Variants in SPOCK1 observed in about 807,000 individuals in gnomAD.
SPOCK1 encodes testican-1.
SPOCK1 carries 23 observed loss-of-function variants against 55.3 expected under a neutral mutation model. The ratio of observed to expected loss-of-function variants is 0.42; its 90% confidence interval spans 0.30 to 0.59. The LOEUF (loss-of-function observed/expected upper bound fraction) is 0.59, where lower values mean the gene tolerates loss of function less well. Among genes scored for constraint, SPOCK1 ranks in the 20% least tolerant of loss-of-function variants. The pLI is 0.22. For missense variants in SPOCK1, 499 were observed against 552.5 expected, an observed-to-expected ratio of 0.90 and a Z score of 0.97; for synonymous variants, 226 against 221.0, an observed-to-expected ratio of 1.02 and a Z score of -0.20.
chr5:137,214,459 A>C (rs181988580), intron 3 of SPOCK1, among the ~76,000 whole-genome samples: 29 of 152,346 alleles, frequency 1.9e-4, no homozygotes, highest in African/African-American at 6.5e-4. Context: ...TCCATCATTC[A>C]TTTAGAAAGA....
At chr5:137,230,188 G>T (rs1294542897) in intron 3 of SPOCK1, among the ~76,000 whole-genome samples, 4 of 152,226 alleles carry the variant, frequency 2.6e-5, no homozygotes, top group Non-Finnish European at 5.9e-5. Flanking sequence ...ATGCATGCTT[G>T]GTTGTAGTCT....
At chr5:137,030,547 G>A (rs926257633) in intron 6 of SPOCK1, among the ~76,000 whole-genome samples, 1 of 152,148 alleles carries the variant, frequency 6.6e-6, no homozygotes, top group Non-Finnish European at 1.5e-5. Context: ...CAATTCTGGG[G>A]GGAGGTCTAG....
chr5:137,064,680 AC>A (rs112266612), intron 6 of SPOCK1, among the ~76,000 whole-genome samples: 11,295 of 152,062 alleles, frequency 0.074, 1,283 homozygotes, highest in African/African-American at 0.24. Flanking sequence ...TCTCCCTTGT[AC>A]CCATGCCCTC....
Position 137,109,206 on chromosome 5 carries a change from C to G in SPOCK1, c.474+3229G>C, listed in dbSNP as rs572505562. Among the ~76,000 whole-genome samples, 5 of 152,302 alleles carry G rather than the reference C, an allele frequency of 3.3e-5. No individual in the cohort carries two copies. The South Asian group carries it at 1.0e-3, about 32-fold the overall frequency. ...GAGGATCAGACAGTTTGCTCCAGAG[C>G]TGGAAGGAATAATTAGAACAGCACA... On this transcript the variant is annotated intron_variant, in intron 5 of 10. Coordinates refer to ENST00000394945, the MANE Select transcript of SPOCK1 (RefSeq NM_004598.4).
Position 137,320,301 on chromosome 5 carries a change from T to A in SPOCK1, c.187-53246A>T, listed in dbSNP as rs115555894. On this transcript the variant is annotated intron_variant, in intron 2 of 10. Transcript: ENST00000394945. Reference sequence around the variant, plus strand: ...AAACTGACATACCTTGGATGCCTGGTATCCACAGAGAACAAAAGAGAGCTC... The same window carrying A: ...AAACTGACATACCTTGGATGCCTGGAATCCACAGAGAACAAAAGAGAGCTC... Among the ~76,000 whole-genome samples, 733 of 152,302 alleles carry A rather than the reference T, an allele frequency of 4.8e-3. 7 individuals carry two copies. The highest frequency in any genetic ancestry group is 0.016 in the African/African-American group (659 of 41,568).
intron 4 of SPOCK1, among the ~76,000 whole-genome samples, chr5:137,133,434 T>C (rs1049091960): frequency 6.6e-6 from 1 of 152,040 alleles, no homozygotes; most frequent in Non-Finnish European, 1.5e-5. Context: ...TGCCTGACAA[T>C]GTGCAATATC....
intron 2 of SPOCK1, among the ~76,000 whole-genome samples, chr5:137,336,203 C>A (rs1451758257): frequency 6.6e-6 from 1 of 152,172 alleles, no homozygotes; most frequent in East Asian, 1.9e-4. Context: ...CTAAACTGAG[C>A]AGACGGCAAG....
chr5:137,274,500 G>A (rs1757025277), intron 2 of SPOCK1, among the ~76,000 whole-genome samples: 1 of 152,186 alleles, frequency 6.6e-6, no homozygotes, highest in Non-Finnish European at 1.5e-5. Context: ...CAATAATGAT[G>A]CAAAGTGCTT....
chr5:137,316,130 G>A (rs1178938245), intron 2 of SPOCK1, among the ~76,000 whole-genome samples: 1 of 152,214 alleles, frequency 6.6e-6, no homozygotes, highest in Admixed American at 6.5e-5. Flanking sequence ...GGCATCCAAG[G>A]AGGGATGTAC....
At chr5:137,362,683 T>C (rs1750977033) in intron 2 of SPOCK1, among the ~76,000 whole-genome samples, 1 of 152,170 alleles carries the variant, frequency 6.6e-6, no homozygotes, top group Non-Finnish European at 1.5e-5. Context: ...TTGTGAGCCA[T>C]ATGACCTCTC....
chr5:137,219,732 G>A (rs6596368), intron 3 of SPOCK1, among the ~76,000 whole-genome samples: 60,156 of 151,692 alleles, frequency 0.4, 12,987 homozygotes, highest in Non-Finnish European at 0.48. Context: ...ACATATGTCT[G>A]TCCAGGCTGT....
At chr5:137,475,539 T>C (rs537371064) in intron 2 of SPOCK1, among the ~76,000 whole-genome samples, 12 of 152,254 alleles carry the variant, frequency 7.9e-5, no homozygotes, top group African/African-American at 2.6e-4. Context: ...ACTGAAAACA[T>C]GAGATAATTA....
intron 9 of SPOCK1, among the ~76,000 whole-genome samples, chr5:136,981,565 T>C (rs1436160018): frequency 6.6e-6 from 1 of 152,252 alleles, no homozygotes; most frequent in Admixed American, 6.5e-5. Flanking sequence ...TTTCTTCATC[T>C]TTGATCAATT....
At chr5:137,207,591 G>T (rs1252872573) in intron 3 of SPOCK1, among the ~76,000 whole-genome samples, 1 of 152,104 alleles carries the variant, frequency 6.6e-6, no homozygotes, top group Admixed American at 6.5e-5. Flanking sequence ...CACTGTGGGT[G>T]GACTTAATAG....
At chr5:137,398,209 C>T (rs572716984) in intron 2 of SPOCK1, among the ~76,000 whole-genome samples, 2 of 152,160 alleles carry the variant, frequency 1.3e-5, no homozygotes, top group South Asian at 4.2e-4. Context: ...GTGAGGAAGC[C>T]TCATTAGCTG....
At chr5:137,485,390 T>C (rs1754034959) in intron 2 of SPOCK1, among the ~76,000 whole-genome samples, 1 of 152,238 alleles carries the variant, frequency 6.6e-6, no homozygotes, top group Non-Finnish European at 1.5e-5. Context: ...AGCTAGATTA[T>C]AGGATTTCTC....
At chr5:137,209,770 A>C (rs937531521) in intron 3 of SPOCK1, among the ~76,000 whole-genome samples, 3 of 152,234 alleles carry the variant, frequency 2.0e-5, no homozygotes, top group Non-Finnish European at 4.4e-5. Flanking sequence ...GTCAATTAGC[A>C]TGTGGTTACT....
chr5:137,347,597 T>C (rs1750587001), intron 2 of SPOCK1, among the ~76,000 whole-genome samples: 1 of 152,158 alleles, frequency 6.6e-6, no homozygotes, highest in African/African-American at 2.4e-5. Context: ...GGCACGGGCC[T>C]GTTAGCTACT....
chr5:137,077,505 T>C (rs552519273), intron 5 of SPOCK1, among the ~76,000 whole-genome samples: 35 of 152,356 alleles, frequency 2.3e-4, no homozygotes, highest in Non-Finnish European at 4.6e-4. Flanking sequence ...GTGATAGTGA[T>C]GTTAGTCAAA....
Sources: gnomAD v4.1 joint callset for allele counts (sites outside exome capture counted in the v4.1 genomes callset) on GRCh38, gnomAD v4.1.1 for gene constraint, MANE v1.5 for transcripts, NCBI Gene and HGNC (gene_info 2026-07-23, HGNC 2026-07-21) for gene names.